Variants in INTS2 observed in about 807,000 individuals in gnomAD.
INTS2 encodes the protein integrator complex subunit 2, also known as KIAA1287.
Under a neutral mutation model 139.6 loss-of-function variants are expected in INTS2, and 57 were observed. That is an observed-to-expected ratio of 0.41 (90% confidence interval 0.33 to 0.51). INTS2 has a LOEUF of 0.51. INTS2 is among the 20% of genes least tolerant of loss of function. The pLI is 0.28. For missense variants in INTS2, 1,196 were observed against 1,436.7 expected, an observed-to-expected ratio of 0.83 and a Z score of 2.71; for synonymous variants, 473 against 493.4, an observed-to-expected ratio of 0.96 and a Z score of 0.55.
rs114708217 is a variant in INTS2, at chr17:61,923,098, T to A, written c.433-1271A>T. Among the ~76,000 whole-genome samples the A allele has an allele frequency of 7.9e-3, 1,184 of 150,762 alleles. 18 individuals carry two copies. The highest frequency in any genetic ancestry group is 0.027 in the African/African-American group (1,123 of 41,090). On this transcript the variant is annotated intron_variant, in intron 3 of 24. Coordinates refer to ENST00000251334, the MANE Select transcript of INTS2 (RefSeq NM_001351695.2). Reference sequence around the variant, plus strand: ...TCTCAAAAAAACAAACAAAAATAAATAAAAGTATCAAAATAGTAAAAAAGA... The same window carrying A: ...TCTCAAAAAAACAAACAAAAATAAAAAAAAGTATCAAAATAGTAAAAAAGA...
At chr17:61,898,849 G>A (rs933603565) in intron 9 of INTS2, among the ~76,000 whole-genome samples, 2 of 150,058 alleles carry the variant, frequency 1.3e-5, no homozygotes, top group African/African-American at 4.9e-5. Flanking sequence ...CCTGATTTCA[G>A]GTGACTGACC....
chr17:61,876,472 T>C lies in INTS2; in HGVS notation c.2456+1415A>G, dbSNP rs1047406901. Among the ~76,000 whole-genome samples the C allele has an allele frequency of 6.7e-6, 1 of 150,174 alleles. No homozygotes were observed. The highest frequency in any genetic ancestry group is 2.5e-5 in the African/African-American group (1 of 40,464). On this transcript the variant is annotated intron_variant, in intron 18 of 24. Coordinates refer to ENST00000251334, the MANE Select transcript of INTS2 (RefSeq NM_001351695.2). The surrounding 1 kb of genome is among the most constrained non-coding windows in gnomAD (Gnocchi z 4.1). The stretch of plus-strand genomic sequence containing the variant: ...GAAAAAAAAAATAGTGTTTCTTTTG[T>C]TTTTTTTTGAGACAGGGTTTCAGTG...
rs577772965 is a variant in INTS2, at chr17:61,879,668, T to C, written c.2254+1339A>G. Among the ~76,000 whole-genome samples, 9 of 152,124 alleles carry C rather than the reference T, an allele frequency of 5.9e-5. No individual in the cohort carries two copies. In the South Asian group the frequency reaches 6.2e-4, roughly 11 times the overall value. On this transcript the variant is annotated intron_variant, in intron 17 of 24. Coordinates refer to ENST00000251334, the MANE Select transcript of INTS2 (RefSeq NM_001351695.2). The stretch of plus-strand genomic sequence containing the variant: ...GAGTTTGAGACCAGCCTGGGCAACA[T>C]GGCAACCCTTTCTCTACAAAAAATA...
rs1279008204 is a variant in INTS2 at position 61,893,710 on chromosome 17, T to C, written c.1698+55A>G. The C allele has an allele frequency of 6.1e-6, 8 of 1,304,502 alleles. No homozygotes were observed. Among genetic ancestry groups the C allele is most frequent in the Middle Eastern group, 2.4e-4 (1 of 4,122 alleles). 80.8% of individuals were successfully genotyped at this position (1,304,502 alleles called of 1,614,324 possible). On this transcript the variant is annotated intron_variant, in intron 13 of 24. Coordinates refer to ENST00000251334, the MANE Select transcript of INTS2 (RefSeq NM_001351695.2). This position sits in a 1 kb window ranked among gnomAD's most constrained non-coding sequence, Gnocchi z 5.4. ...ACTCCATCTCAAAAGAAAAAAAATA[T>C]ATATATAAAAATGTAGGGGCATGCT...
intron 15 of INTS2, among the ~76,000 whole-genome samples, chr17:61,886,619 T>C (rs1200586834): frequency 6.6e-6 from 1 of 152,140 alleles, no homozygotes; most frequent in African/African-American, 2.4e-5. Flanking sequence ...TCACACAGAG[T>C]AAAGGTCCTT....
intron 3 of INTS2, among the ~76,000 whole-genome samples, chr17:61,922,798 C>CTGGG (rs1327172814): frequency 3.3e-5 from 5 of 151,954 alleles, no homozygotes; most frequent in African/African-American, 1.2e-4. Context: ...TCAAAATAGG[C>CTGGG]TGGGCATGGT....
At chr17:61,914,261 T>C (rs900151797) in intron 5 of INTS2, among the ~76,000 whole-genome samples, 1 of 152,098 alleles carries the variant, frequency 6.6e-6, no homozygotes, top group African/African-American at 2.4e-5. Context: ...AAAGAAGGAA[T>C]ATTATCAGCA....
intron 8 of INTS2, among the ~76,000 whole-genome samples, chr17:61,905,519 G>A (rs1168422549): frequency 6.6e-6 from 1 of 152,056 alleles, no homozygotes; most frequent in African/African-American, 2.4e-5. Context: ...TAGAGAGAGG[G>A]TTTCACCATC....
intron 15 of INTS2, among the ~76,000 whole-genome samples, chr17:61,885,750 G>C (rs1292435559): frequency 1.0e-5 from 1 of 96,346 alleles, no homozygotes; most frequent in Non-Finnish European, 1.9e-5. Context: ...TTTTTTTTGA[G>C]ACAGAGTCTC....
At chr17:61,910,540 C>T (rs969012193) in intron 7 of INTS2, 1 of 147,538 alleles carries the variant, frequency 6.8e-6, no homozygotes, top group Non-Finnish European at 1.5e-5. Flanking sequence ...TGCAGTGAGC[C>T]GAGATTGCGC....
intron 5 of INTS2, among the ~76,000 whole-genome samples, chr17:61,915,374 A>C (rs2079570348): frequency 6.6e-6 from 1 of 151,166 alleles, no homozygotes; most frequent in Non-Finnish European, 1.5e-5. Flanking sequence ...ATAAATAAAT[A>C]AATAAGCCAG....
intron 9 of INTS2, among the ~76,000 whole-genome samples, chr17:61,900,524 C>T (rs529513913): frequency 3.2e-4 from 48 of 152,302 alleles, no homozygotes; most frequent in Non-Finnish European, 6.8e-4. Flanking sequence ...CACTCTTTAA[C>T]TTTGTTTATG....
intron 5 of INTS2, among the ~76,000 whole-genome samples, chr17:61,916,440 A>T (rs2143139798): frequency 6.6e-6 from 1 of 152,290 alleles, no homozygotes; most frequent in East Asian, 1.9e-4. Flanking sequence ...TAATAAATAA[A>T]AATAAACAGA....
intron 5 of INTS2, among the ~76,000 whole-genome samples, chr17:61,912,391 G>A (rs187309369): frequency 0.014 from 1,700 of 124,674 alleles, 57 homozygotes; most frequent in Non-Finnish European, 0.02. Flanking sequence ...GGGGGGGTGC[G>A]GGGCATGGAT....
At chr17:61,902,163 T>C (rs559535076) in intron 9 of INTS2, among the ~76,000 whole-genome samples, 1 of 152,176 alleles carries the variant, frequency 6.6e-6, no homozygotes, top group South Asian at 2.1e-4. Flanking sequence ...AGGATTAGTT[T>C]TTTATCCCTA....
At chr17:61,879,148 G>A (rs893097639) in intron 17 of INTS2, among the ~76,000 whole-genome samples, 3 of 128,760 alleles carry the variant, frequency 2.3e-5, no homozygotes, top group Admixed American at 9.4e-5. Context: ...TTGAATTCCC[G>A]GCCTCAAGTG....
intron 9 of INTS2, among the ~76,000 whole-genome samples, chr17:61,902,669 T>G (rs1031344121): frequency 1.3e-5 from 2 of 150,932 alleles, no homozygotes; most frequent in African/African-American, 4.9e-5. Flanking sequence ...AGGCCATGAG[T>G]TTCAGACTAG....
chr17:61,894,332 T>A (rs368379166), intron 12 of INTS2: 1 of 152,532 alleles, frequency 6.6e-6, no homozygotes, highest in African/African-American at 2.4e-5. Context: ...CACATAAATA[T>A]AAACAGAAAT....
intron 2 of INTS2, 83 bp from the exon 3 acceptor site, chr17:61,925,182 G>T: frequency 8.0e-7 from 1 of 1,249,896 alleles, no homozygotes; most frequent in Non-Finnish European, 1.1e-6. Flanking sequence ...ATTGAAATAA[G>T]CTATAAAAGG....
Sources: gnomAD v4.1 joint callset for allele counts (sites outside exome capture counted in the v4.1 genomes callset) on GRCh38, gnomAD v4.1.1 for gene constraint, Gnocchi (gnomAD v3.1) non-coding constraint, MANE v1.5 for transcripts, NCBI Gene and HGNC (gene_info 2026-07-23, HGNC 2026-07-21) for gene names.